SNTG1: variants seen among roughly 807,000 people sequenced by gnomAD.
The protein encoded by SNTG1 is gamma-1-syntrophin.
Under a neutral mutation model 74.7 loss-of-function variants are expected in SNTG1, and 39 were observed. That is an observed-to-expected ratio of 0.52 (90% CI 0.40 to 0.68). The LOEUF (loss-of-function observed/expected upper bound fraction) is 0.68, where lower values mean the gene tolerates loss of function less well. Ranked by LOEUF, SNTG1 falls within the 30% of genes least tolerant of loss-of-function variation. The probability of loss-of-function intolerance (pLI) is 0.00; values close to 1 mark genes in which losing one functional copy is unlikely to be tolerated. For missense variants in SNTG1, 685 were observed against 609.5 expected (o/e 1.12, Z -1.30); for synonymous variants, 254 against 217.1 (o/e 1.17, Z -1.49).
intron 2 of SNTG1, among the ~76,000 whole-genome samples, chr8:50,182,165 G>A (rs1036050409): frequency 6.6e-6 from 1 of 152,126 alleles, no homozygotes; most frequent in African/African-American, 2.4e-5. Flanking sequence ...GAGCACCCCA[G>A]TCTAAATGCC....
intron 2 of SNTG1, among the ~76,000 whole-genome samples, chr8:50,196,141 A>G (rs2083760344): frequency 6.6e-6 from 1 of 152,162 alleles, no homozygotes; most frequent in Non-Finnish European, 1.5e-5. Context: ...CCAGGAAATC[A>G]CTGTTGTATA....
intron 2 of SNTG1, among the ~76,000 whole-genome samples, chr8:50,293,166 G>A (rs370999453): frequency 4.6e-5 from 7 of 152,240 alleles, no homozygotes; most frequent in South Asian, 2.1e-4. Context: ...TATCATAGCC[G>A]AGTACTAAAC....
chr8:50,484,249 C>G (rs190261287), intron 8 of SNTG1, among the ~76,000 whole-genome samples: 1 of 142,294 alleles, frequency 7.0e-6, no homozygotes, highest in African/African-American at 2.6e-5. Context: ...AGTTTCCACT[C>G]TTGTTGCCCA....
At chr8:50,509,616 T>C (rs2129892707) in intron 9 of SNTG1, among the ~76,000 whole-genome samples, 1 of 152,238 alleles carries the variant, frequency 6.6e-6, no homozygotes, top group Admixed American at 6.5e-5. Flanking sequence ...TAGTTCTCCT[T>C]GAAGAGGTCC....
chr8:50,284,081 G>C (rs943903411), intron 2 of SNTG1, among the ~76,000 whole-genome samples: 4 of 151,914 alleles, frequency 2.6e-5, no homozygotes, highest in Non-Finnish European at 5.9e-5. Context: ...TATTCATCTT[G>C]TCTGTAACGG....
intron 2 of SNTG1, among the ~76,000 whole-genome samples, chr8:50,369,647 T>C (rs1356820993): frequency 6.6e-6 from 1 of 151,644 alleles, no homozygotes; most frequent in African/African-American, 2.4e-5. Flanking sequence ...TAGCTCATTA[T>C]CTACCAAGTG....
intron 1 of SNTG1, among the ~76,000 whole-genome samples, chr8:50,171,073 T>A (rs1316583395): frequency 6.6e-6 from 1 of 152,072 alleles, no homozygotes; most frequent in Non-Finnish European, 1.5e-5. Context: ...ACCTTTGTCA[T>A]CTGATGGAAT....
intron 1 of SNTG1, among the ~76,000 whole-genome samples, chr8:50,052,496 C>A (rs1819660471): frequency 6.6e-6 from 1 of 152,046 alleles, no homozygotes; most frequent in Non-Finnish European, 1.5e-5. Context: ...AGAATAAATT[C>A]TTGTGCCCTA....
chr8:50,555,155 C>A (rs1000993570), intron 12 of SNTG1, among the ~76,000 whole-genome samples: 5 of 152,262 alleles, frequency 3.3e-5, no homozygotes, highest in Admixed American at 3.3e-4. Context: ...GTTTTTCATC[C>A]TTGTAATAAG....
intron 11 of SNTG1, among the ~76,000 whole-genome samples, chr8:50,537,694 G>A (rs1320445684): frequency 6.6e-6 from 1 of 151,984 alleles, no homozygotes. Context: ...AGCTTTCTGA[G>A]AGATATAACC....
intron 2 of SNTG1, among the ~76,000 whole-genome samples, chr8:50,177,125 A>C (rs961342845): frequency 2.0e-5 from 3 of 152,220 alleles, no homozygotes; most frequent in East Asian, 1.9e-4. Context: ...AAAGCAAAAA[A>C]GTCTCAAAAA....
intron 4 of SNTG1, among the ~76,000 whole-genome samples, chr8:50,416,592 T>A (rs1033347322): frequency 1.3e-5 from 2 of 152,180 alleles, no homozygotes; most frequent in Non-Finnish European, 2.9e-5. Flanking sequence ...TACTGTGGCT[T>A]GTATTTTATT....
intron 2 of SNTG1, among the ~76,000 whole-genome samples, chr8:50,359,623 T>A (rs2091906811): frequency 6.6e-6 from 1 of 152,188 alleles, no homozygotes; most frequent in Admixed American, 6.5e-5. Context: ...GTCTAAAATA[T>A]GCCACTGACT....
chr8:50,370,647 G>T (rs931482534), intron 2 of SNTG1, among the ~76,000 whole-genome samples: 1 of 151,972 alleles, frequency 6.6e-6, no homozygotes, highest in African/African-American at 2.4e-5. Flanking sequence ...CCTCCCCAAA[G>T]GCAGTTACTA....
intron 17 of SNTG1, among the ~76,000 whole-genome samples, chr8:50,750,693 AT>A (rs1392020346): frequency 2.0e-5 from 3 of 151,972 alleles, no homozygotes; most frequent in Non-Finnish European, 2.9e-5. Flanking sequence ...GACCCCTGGC[AT>A]TTTTTAGTAA....
chr8:50,770,603 T>C (rs1318097620), intron 18 of SNTG1, among the ~76,000 whole-genome samples: 2 of 152,106 alleles, frequency 1.3e-5, no homozygotes, highest in South Asian at 4.2e-4. Flanking sequence ...CCTAGAGAAG[T>C]CAATTTGCAG....
intron 16 of SNTG1, among the ~76,000 whole-genome samples, chr8:50,706,304 T>G (rs2095443228): frequency 6.6e-6 from 1 of 152,154 alleles, no homozygotes; most frequent in African/African-American, 2.4e-5. Flanking sequence ...CTATATTAAA[T>G]ATGATTTTAT....
At chr8:49,963,248 C>T (rs1283722098) in intron 1 of SNTG1, among the ~76,000 whole-genome samples, 2 of 152,196 alleles carry the variant, frequency 1.3e-5, no homozygotes, top group Admixed American at 1.3e-4. Context: ...CATCTACCCA[C>T]AGCATGTGCT....
intron 2 of SNTG1, among the ~76,000 whole-genome samples, chr8:50,291,056 A>T (rs564371615): frequency 5.9e-5 from 9 of 152,220 alleles, no homozygotes; most frequent in Admixed American, 5.9e-4. Flanking sequence ...CTATACATTT[A>T]TGTATTTATT....
Sources: allele counts gnomAD v4.1 joint callset (sites outside exome capture counted in the v4.1 genomes callset), GRCh38; gene constraint gnomAD v4.1.1; transcripts MANE v1.5; gene names NCBI Gene and HGNC (gene_info 2026-07-23, HGNC 2026-07-21).